MDGA2: variants seen among roughly 807,000 people sequenced by gnomAD.
MDGA2 encodes the protein MAM domain-containing glycosylphosphatidylinositol anchor protein 2.
Under a neutral mutation model 117.8 loss-of-function variants are expected in MDGA2, and 40 were observed. The observed-to-expected ratio is 0.34, with a 90% CI of 0.26 to 0.44. The LOEUF (loss-of-function observed/expected upper bound fraction) is 0.44, where lower values mean the gene tolerates loss of function less well. Among genes scored for constraint, MDGA2 ranks in the 20% least tolerant of loss-of-function variants. MDGA2 has a pLI of 1.00. For missense variants in MDGA2, 1,123 were observed against 1,250.6 expected (o/e 0.90, Z 1.54); for synonymous variants, 452 against 439.0 (o/e 1.03, Z -0.37).
chr14:47,072,707 CTG>C (rs1285801591), intron 6 of MDGA2, among the ~76,000 whole-genome samples: 3 of 152,130 alleles, frequency 2.0e-5, no homozygotes, highest in Non-Finnish European at 4.4e-5. Flanking sequence ...AACAACCCCT[CTG>C]AGTGATTCTG....
chr14:47,559,149 G>GTA (rs1895744375), intron 1 of MDGA2, among the ~76,000 whole-genome samples: 1 of 152,092 alleles, frequency 6.6e-6, no homozygotes, highest in Non-Finnish European at 1.5e-5. Context: ...GGTAAATTGC[G>GTA]TGTTGCAAGG....
At position 47,155,916 on chromosome 14, in the gene MDGA2, T is replaced by C. The variant is rs1273175096; in HGVS notation, c.596-11642A>G. 2.9e-5 allele frequency among the ~76,000 whole-genome samples: 2 copies of C among 70,046 alleles called. 1 individual carries two copies. The highest frequency in any genetic ancestry group is 5.8e-5 in the Non-Finnish European group (2 of 34,722). 46.0% of individuals were successfully genotyped at this position (70,046 alleles called of 152,430 possible). A position where few individuals can be genotyped will look rare whatever the true frequency, so the allele number is the denominator to read the frequency against. On this transcript the variant is annotated intron_variant, in intron 3 of 16. Transcript: ENST00000399232. ...TTTTTTTTTTTTTTTTTTTTTTTTTTTTTTTTTTTTTTTTTGAGACAGAGT... is the reference window on the plus strand; with the variant it reads ...TTTTTTTTTTTTTTTTTTTTTTTTTCTTTTTTTTTTTTTTTGAGACAGAGT...
At chr14:47,585,463 C>T (rs2138848242) in intron 1 of MDGA2, among the ~76,000 whole-genome samples, 1 of 152,040 alleles carries the variant, frequency 6.6e-6, no homozygotes. Flanking sequence ...AATAACAATA[C>T]ACATTTCGGA....
intron 1 of MDGA2, among the ~76,000 whole-genome samples, chr14:47,517,411 A>C (rs1030087492): frequency 1.6e-4 from 24 of 152,306 alleles, no homozygotes; most frequent in African/African-American, 5.8e-4. Flanking sequence ...GAAGAAAACA[A>C]AGGATATTTA....
intron 5 of MDGA2, among the ~76,000 whole-genome samples, chr14:47,113,518 A>G (rs1368643470): frequency 2.6e-5 from 4 of 152,212 alleles, no homozygotes; most frequent in South Asian, 2.1e-4. Context: ...CCTCAATAAA[A>G]TACTGGCAAA....
rs568481443 is a variant in MDGA2 at position 47,572,923 on chromosome 14, G to C, written c.280+101594C>G. Among the ~76,000 whole-genome samples the C allele has an allele frequency of 3.3e-5, 5 of 152,156 alleles. No individual in the cohort carries two copies. In the South Asian group the frequency reaches 1.0e-3, roughly 32 times the overall value. ...CTTTGATTAGAATTTTAATATAAATGCTCTTTATTTTTTGGTTATTTTAAT... is the reference window on the plus strand; with the variant it reads ...CTTTGATTAGAATTTTAATATAAATCCTCTTTATTTTTTGGTTATTTTAAT... On this transcript the variant is annotated intron_variant, in intron 1 of 16. Transcript: ENST00000399232.
intron 1 of MDGA2, among the ~76,000 whole-genome samples, chr14:47,629,694 T>C (rs1897218176): frequency 6.6e-6 from 1 of 152,250 alleles, no homozygotes; most frequent in African/African-American, 2.4e-5. Context: ...CTTTCTCCCT[T>C]ATACATTAGT....
intron 6 of MDGA2, among the ~76,000 whole-genome samples, chr14:47,074,303 C>CT (rs35598400): frequency 0.2 from 28,687 of 144,924 alleles, 2,817 homozygotes; most frequent in Admixed American, 0.29. Context: ...AGTAACAGAA[C>CT]TTTTTTTTTT....
chr14:47,053,901 C>A (rs1321687488), intron 7 of MDGA2, among the ~76,000 whole-genome samples: 1 of 151,756 alleles, frequency 6.6e-6, no homozygotes, highest in Non-Finnish European at 1.5e-5. Context: ...AATCAGTTCT[C>A]CAGCTGATCC....
intron 1 of MDGA2, among the ~76,000 whole-genome samples, chr14:47,429,897 G>A (rs1892764527): frequency 6.6e-6 from 1 of 150,598 alleles, no homozygotes. Context: ...AAGGAGTGGG[G>A]GGACCATAAC....
intron 3 of MDGA2, among the ~76,000 whole-genome samples, chr14:47,176,635 T>C (rs1312674275): frequency 6.6e-6 from 1 of 152,184 alleles, no homozygotes; most frequent in Non-Finnish European, 1.5e-5. Flanking sequence ...CCTTACACCT[T>C]ATACAAAAAT....
chr14:47,624,959 CT>C (rs1232197423), intron 1 of MDGA2, among the ~76,000 whole-genome samples: 13 of 152,094 alleles, frequency 8.5e-5, no homozygotes, highest in Non-Finnish European at 1.6e-4. Flanking sequence ...TTCATTTAGA[CT>C]TGGTTCTACT....
chr14:47,407,139 AG>A (rs1393524125), intron 1 of MDGA2, among the ~76,000 whole-genome samples: 1 of 152,094 alleles, frequency 6.6e-6, no homozygotes, highest in African/African-American at 2.4e-5. Context: ...CTGTTTCATT[AG>A]GCATGATTTC....
chr14:46,882,919 A>C (rs538214386), intron 10 of MDGA2, among the ~76,000 whole-genome samples: 52 of 151,870 alleles, frequency 3.4e-4, no homozygotes, highest in African/African-American at 1.2e-3. Context: ...CCTTGAAATA[A>C]ATGGTGTCAG....
In MDGA2 at chr14:47,200,534, C is replaced by CTTTTTTTT. The variant is rs10639284; in HGVS notation, c.595+17479_595+17486dup. 88 of 421,850 alleles carry CTTTTTTTT rather than the reference C, an allele frequency of 2.1e-4. 3 individuals carry two copies. Among genetic ancestry groups the CTTTTTTTT allele is most frequent in the African/African-American group, 9.5e-4 (39 of 41,068 alleles). 26.1% of individuals were successfully genotyped at this position (421,850 alleles called of 1,614,324 possible). A position where few individuals can be genotyped will look rare whatever the true frequency, so the allele number is the denominator to read the frequency against. On this transcript the variant is annotated intron_variant, in intron 3 of 16. Transcript: ENST00000399232. ...TTCTTTTCTTTTTTCTTTTTCTTTTCTTTTTTTTTTTTTTTGAGGAGTTAA... is the reference window on the plus strand; with the variant it reads ...TTCTTTTCTTTTTTCTTTTTCTTTTCTTTTTTTTTTTTTTTTTTTTTTTGAGGAGTTAA...
chr14:47,057,314 AC>A (rs769317706), intron 7 of MDGA2, among the ~76,000 whole-genome samples: 20 of 152,238 alleles, frequency 1.3e-4, no homozygotes, highest in Non-Finnish European at 2.6e-4. Context: ...ACAGTATGCA[AC>A]CACTATATAT....
At chr14:46,982,940 G>T (rs529623322) in intron 8 of MDGA2, among the ~76,000 whole-genome samples, 1 of 151,822 alleles carries the variant, frequency 6.6e-6, no homozygotes, top group Non-Finnish European at 1.5e-5. Flanking sequence ...ATTGGCTGTG[G>T]GTTTGTTGTA....
At chr14:47,585,887 G>A (rs1216465588) in intron 1 of MDGA2, among the ~76,000 whole-genome samples, 1 of 151,784 alleles carries the variant, frequency 6.6e-6, no homozygotes, top group Non-Finnish European at 1.5e-5. Flanking sequence ...CAAGAGGCAA[G>A]AAACATTTTC....
chr14:47,111,443 A>C (rs1156981016), intron 5 of MDGA2, among the ~76,000 whole-genome samples: 1 of 152,154 alleles, frequency 6.6e-6, no homozygotes, highest in East Asian at 1.9e-4. Context: ...ATTATGAAAA[A>C]ATTGGATAGA....
Sources: gnomAD v4.1 joint callset for allele counts (sites outside exome capture counted in the v4.1 genomes callset) on GRCh38, gnomAD v4.1.1 for gene constraint, MANE v1.5 for transcripts, NCBI Gene and HGNC (gene_info 2026-07-23, HGNC 2026-07-21) for gene names.